Variants in SLC29A4 observed in about 807,000 individuals in gnomAD.
The protein encoded by SLC29A4 is solute carrier family 29 member 4.
A neutral mutation model predicts 43.9 loss-of-function variants in SLC29A4; 36 were observed. The observed-to-expected ratio is 0.82, with a 90% CI of 0.63 to 1.08. SLC29A4 has a LOEUF of 1.08. SLC29A4 is among the 50% of genes least tolerant of loss of function. The pLI is 0.00. For synonymous variants in SLC29A4, 491 were observed against 338.0 expected (o/e 1.45, Z -4.97); for missense variants, 869 against 755.3 (o/e 1.15, Z -1.77).
chr7:5,305,438 C>G lies in SLC29A4; in HGVS notation c.*2499C>G, dbSNP rs898203514. ...CCCCCACCTATAGCTTCCCTAGGCC[C>G]CAGTGCAGAGATGCCGTCCACCCCC... On this transcript the variant is annotated 3_prime_UTR_variant, in exon 11 of 11. Coordinates refer to ENST00000396872, the MANE Select transcript of SLC29A4 (RefSeq NM_153247.4). 2 of 152,314 alleles carry G rather than the reference C, an allele frequency of 1.3e-5. No individual in the cohort carries two copies. Among genetic ancestry groups the G allele is most frequent in the African/African-American group, 4.8e-5 (2 of 41,472 alleles). The allele number at this position is 152,314 out of a possible 1,614,324, so 9.4% of individuals were successfully genotyped here. A position where few individuals can be genotyped will look rare whatever the true frequency, so the allele number is the denominator to read the frequency against.
chr7:5,288,328 C>T (rs1230543812), intron 2 of SLC29A4, among the ~76,000 whole-genome samples: 26 of 74,498 alleles, frequency 3.5e-4, no homozygotes, highest in Non-Finnish European at 3.0e-4. Context: ...TTTTTTGAGA[C>T]GGAGTCTCAC....
Position 5,302,846 on chromosome 7 carries a change from C to T in SLC29A4, c.1500C>T (p.Ala500=), listed in dbSNP as rs377351780. ...SYMSGLTLGS[A]VAYCTYSLTR... is the part of the protein sequence containing the mutation. ...TGTCAGGGCTGACGCTGGGGTCCGC[C>T]GTGGCCTACTGCACCTACAGCCTCA... The change falls in exon 11 of 11, where the codon GCC becomes GCT. Residue 500 remains alanine (A), a synonymous_variant. Coordinates refer to ENST00000396872, the MANE Select transcript of SLC29A4 (RefSeq NM_153247.4). The T allele has an allele frequency of 7.9e-5, 126 of 1,589,198 alleles. No individual in the cohort carries two copies. The East Asian group carries it at 1.2e-3, about 15-fold the overall frequency.
At chr7:5,288,525 C>A (rs1228296352) in intron 2 of SLC29A4, among the ~76,000 whole-genome samples, 1 of 151,852 alleles carries the variant, frequency 6.6e-6, no homozygotes, top group African/African-American at 2.4e-5. Flanking sequence ...ATCTCCTGAC[C>A]TCATGATCCG....
chr7:5,288,528 A>C (rs2128087186), intron 2 of SLC29A4, among the ~76,000 whole-genome samples: 1 of 151,532 alleles, frequency 6.6e-6, no homozygotes, highest in Non-Finnish European at 1.5e-5. Context: ...TCCTGACCTC[A>C]TGATCCGCCC....
In SLC29A4 at chr7:5,300,536, G is replaced by A. The variant is rs781640274; in HGVS notation, c.1324G>A (p.Ala442Thr). 1.2e-5 allele frequency: 19 copies of A among 1,612,274 alleles called. No individual in the cohort carries two copies. The highest frequency in any genetic ancestry group is 5.5e-5 in the South Asian group (5 of 90,990). ...GTGCGTCTACCCCAGCGGCATGCCC[G>A]CCCTCCGTCACCCCGCCTGGCCCTG... ...ILCVYPSGMP[A>T]LRHPAWPCIF... The change falls in exon 10 of 11, where the codon GCC becomes ACC. Residue 442 changes from alanine (A) to threonine (T), a missense_variant. By Grantham distance (58) the Ala-to-Thr change is moderately conservative. Transcript: ENST00000396872.
intron 1 of SLC29A4, 80 bp from the exon 2 acceptor site, chr7:5,287,729 A>G: frequency 7.1e-7 from 1 of 1,408,588 alleles, no homozygotes; most frequent in Admixed American, 2.4e-5. Context: ...CTCCAGGTAG[A>G]AGCTTTATGG....
chr7:5,296,839 G>C (rs12669464), intron 6 of SLC29A4, 97 bp from the exon 7 acceptor site: 274,964 of 1,322,742 alleles, frequency 0.21, 36,137 homozygotes, highest in East Asian at 0.57. Context: ...GGCGGGGCCG[G>C]TGGGGAGGGG....
At chr7:5,292,290 G>A (rs1482644890) in intron 5 of SLC29A4, among the ~76,000 whole-genome samples, 3 of 152,036 alleles carry the variant, frequency 2.0e-5, no homozygotes, top group Non-Finnish European at 4.4e-5. Flanking sequence ...TTTAAAAATT[G>A]TTTGTAGAGA....
rs1219042169 is a variant in SLC29A4, at chr7:5,297,053, T to G, written c.737T>G (p.Phe246Cys). Residue 246 changes from phenylalanine (F) to cysteine (C), a missense_variant, in exon 7 of 11, where the codon TTC (phenylalanine) becomes TGC (cysteine). Physicochemically the swap from Phe to Cys is radical, Grantham distance 205 (BLOSUM62 -2). Transcript: ENST00000396872. ...TCGGTGGCGCTGGAGCTGCTGTGTT[T>G]CCTGCTGCACCTGTTAGTGCGGCGC... is the stretch of plus-strand genomic sequence containing the variant. ...LVSVALELLCFLLHLLVRRSR... is the reference protein window; with the variant it reads ...LVSVALELLCCLLHLLVRRSR... The G allele has an allele frequency of 3.1e-6, 5 of 1,607,660 alleles. No individual in the cohort carries two copies. Among genetic ancestry groups the G allele is most frequent in the African/African-American group, 1.3e-5 (1 of 74,838 alleles).
rs952833635 is a variant in SLC29A4, at chr7:5,291,188, G to C, written c.366G>C (p.Leu122=). ...TGGTGGCACTGGCAGCTGTCCTCCT[G>C]AACAACGTCCTGGTGGAGAGACTGA... ...YILVALAAVL[L]NNVLVERLTL... The change falls in exon 4 of 11, where the codon CTG becomes CTC. Residue 122 remains leucine (L), a synonymous_variant. Coordinates refer to ENST00000396872, the MANE Select transcript of SLC29A4 (RefSeq NM_153247.4). 2.5e-6 allele frequency: 4 copies of C among 1,613,758 alleles called. No individual in the cohort carries two copies. Among genetic ancestry groups the C allele is most frequent in the Admixed American group, 1.7e-5 (1 of 60,022 alleles).
rs770079019 is a variant in SLC29A4, at chr7:5,287,826, G to A, written c.10G>A (p.Val4Met). The A allele has an allele frequency of 2.7e-5, 43 of 1,611,118 alleles. No individual in the cohort carries two copies. Among genetic ancestry groups the A allele is most frequent in the East Asian group, 2.5e-4 (11 of 44,882 alleles). The change falls in exon 2 of 11, where the codon GTG becomes ATG. Residue 4 changes from valine to methionine, a missense_variant. Transcript: ENST00000396872. ...CAAAGCAGAGGCTGCCATGGGCTCC[G>A]TGGGGAGCCAGCGCCTTGAGGAGCC... is the stretch of plus-strand genomic sequence containing the variant. MGS[V>M]GSQRLEEPSV...
rs192734512 is a variant in SLC29A4 at position 5,299,135 on chromosome 7, G to C, written c.1021+9G>C. ...CTGGCCCACCTTCAGAGGTGAGTGC[G>C]GGGAGTCCTCTGCTGCCCTGGCTCT... is the stretch of plus-strand genomic sequence containing the variant. On this transcript the variant is annotated intron_variant, in intron 8 of 10. Transcript: ENST00000396872. 1 of 1,606,470 alleles carries C rather than the reference G, an allele frequency of 6.2e-7. No individual in the cohort carries two copies. Among genetic ancestry groups the C allele is most frequent in the South Asian group, 1.1e-5 (1 of 90,786 alleles).
rs1159963173 is a variant in SLC29A4, at chr7:5,299,129, G to T, written c.1021+3G>T. ...GCGCAGCTGGCCCACCTTCAGAGGT[G>T]AGTGCGGGGAGTCCTCTGCTGCCCT... On this transcript the variant is annotated splice_donor_region_variant and intron_variant, in intron 8 of 10. Transcript: ENST00000396872. 4 of 1,605,990 alleles carry T rather than the reference G, an allele frequency of 2.5e-6. No individual in the cohort carries two copies. The African/African-American group carries it at 4.0e-5, about 16-fold the overall frequency.
chr7:5,287,969 A>G lies in SLC29A4; in HGVS notation c.153A>G (p.Pro51=). 2 of 1,609,138 alleles carry G rather than the reference A, an allele frequency of 1.2e-6. No homozygotes were observed. Among genetic ancestry groups the G allele is most frequent in the Non-Finnish European group, 1.7e-6 (2 of 1,178,924 alleles). The change falls in exon 2 of 11, where the codon CCA becomes CCG. Residue 51 remains proline (P), a synonymous_variant. Transcript: ENST00000396872. ...QGQGLRARGV[P]AFTDTTLDEP... ...AGGGCCTTAGGGCCAGGGGCGTCCC[A>G]GCTTTCACGGATACTAGTAAGTAGG...
At chr7:5,301,413 C>G (rs186461380) in intron 10 of SLC29A4, among the ~76,000 whole-genome samples, 2 of 152,222 alleles carry the variant, frequency 1.3e-5, no homozygotes, top group African/African-American at 2.4e-5. Context: ...GAAGACCTCA[C>G]TGAGGAGGTG....
chr7:5,286,017 AAAAC>A (rs1484329857), intron 1 of SLC29A4, among the ~76,000 whole-genome samples: 1 of 151,772 alleles, frequency 6.6e-6, no homozygotes, highest in East Asian at 2.0e-4. Context: ...CTCAGAAAAA[AAAAC>A]AAAAAACAAA....
chr7:5,292,041 T>A (rs1328869701), intron 5 of SLC29A4, among the ~76,000 whole-genome samples: 4 of 152,234 alleles, frequency 2.6e-5, no homozygotes, highest in African/African-American at 7.2e-5. Flanking sequence ...CCACAGAGAC[T>A]CTGAGGCAGC....
chr7:5,284,034 C>T (rs1013682544), intron 1 of SLC29A4, among the ~76,000 whole-genome samples: 3 of 55,454 alleles, frequency 5.4e-5, no homozygotes, highest in Non-Finnish European at 1.3e-4. Context: ...GCTGCACGAC[C>T]CCCCCCCCCA....
intron 3 of SLC29A4, 123 bp downstream of exon 3, chr7:5,290,986 C>T: frequency 6.6e-7 from 1 of 1,526,336 alleles, no homozygotes. Context: ...CTCGGCTCCA[C>T]TGTGAGCTGC....
Sources: gnomAD v4.1 joint callset for allele counts (sites outside exome capture counted in the v4.1 genomes callset) on GRCh38, gnomAD v4.1.1 for gene constraint, MANE v1.5 for transcripts, NCBI Gene and HGNC (gene_info 2026-07-23, HGNC 2026-07-21) for gene names.